IL1RAPL2: variants seen among roughly 807,000 people sequenced by gnomAD.
IL1RAPL2 encodes the protein interleukin 1 receptor accessory protein like 2.
A neutral mutation model predicts 44.1 loss-of-function variants in IL1RAPL2; 3 were observed. The ratio of observed to expected loss-of-function variants is 0.07; its 90% CI spans 0.03 to 0.18. The LOEUF (loss-of-function observed/expected upper bound fraction) is 0.18. IL1RAPL2 is among the 10% of genes least tolerant of loss of function. The pLI, the probability that IL1RAPL2 is intolerant of heterozygous loss-of-function variation, is 1.00. For missense variants in IL1RAPL2, 391 were observed against 496.4 expected (o/e 0.79, Z 2.02); for synonymous variants, 181 against 178.8 (o/e 1.01, Z -0.10).
At chrX:104,843,423 G>A (rs972453937) in intron 2 of IL1RAPL2, among the ~76,000 whole-genome samples, 3 of 110,935 alleles carry the variant, frequency 2.7e-5, no homozygotes, top group African/African-American at 9.9e-5. Context: ...TGGTTCTCCT[G>A]TCTCGCTGGA....
chrX:105,239,136 A>G (rs2034147247), intron 4 of IL1RAPL2, among the ~76,000 whole-genome samples: 1 of 111,676 alleles, frequency 9.0e-6, no homozygotes, highest in Non-Finnish European at 1.9e-5. Flanking sequence ...GAATCTCTAT[A>G]ATACCTGATG....
At chrX:105,633,794 C>A (rs1293384524) in intron 6 of IL1RAPL2, among the ~76,000 whole-genome samples, 2 of 111,400 alleles carry the variant, frequency 1.8e-5, no homozygotes, top group Non-Finnish European at 3.8e-5. Flanking sequence ...GATTTATTCC[C>A]TAAGTGTGAA....
intron 2 of IL1RAPL2, among the ~76,000 whole-genome samples, chrX:105,148,525 T>C (rs929295109): frequency 8.9e-6 from 1 of 111,908 alleles, no homozygotes; most frequent in Non-Finnish European, 1.9e-5. Context: ...TGCCAAGAAA[T>C]AGAAGTGCAA....
intron 5 of IL1RAPL2, among the ~76,000 whole-genome samples, chrX:105,338,391 T>C (rs1177742583): frequency 8.9e-6 from 1 of 112,006 alleles, no homozygotes; most frequent in Non-Finnish European, 1.9e-5. Context: ...GCAACAAACA[T>C]AGAGGCTGTT....
intron 6 of IL1RAPL2, among the ~76,000 whole-genome samples, chrX:105,513,738 T>C (rs1212241327): frequency 9.0e-6 from 1 of 111,568 alleles, no homozygotes; most frequent in Non-Finnish European, 1.9e-5. Context: ...ACTCTGATAC[T>C]AGTTTCTTTT....
At chrX:105,645,156 T>A (rs2037597007) in intron 6 of IL1RAPL2, among the ~76,000 whole-genome samples, 1 of 111,680 alleles carries the variant, frequency 9.0e-6, no homozygotes, top group African/African-American at 3.3e-5. Context: ...ATGCAGCAAG[T>A]CCTGTGTCAT....
intron 6 of IL1RAPL2, among the ~76,000 whole-genome samples, chrX:105,565,350 T>G (rs368205848): frequency 1.8e-5 from 2 of 111,410 alleles, no homozygotes; most frequent in East Asian, 5.7e-4. Flanking sequence ...TATAAATAAA[T>G]TTGATTTTAA....
At chrX:104,687,823 A>G (rs916343786) in intron 2 of IL1RAPL2, among the ~76,000 whole-genome samples, 2 of 111,550 alleles carry the variant, frequency 1.8e-5, no homozygotes, top group East Asian at 5.6e-4. Flanking sequence ...CCAAGCCACC[A>G]TCATCCCTCA....
chrX:104,624,258 T>G (rs2148009302), intron 1 of IL1RAPL2, among the ~76,000 whole-genome samples: 2 of 111,578 alleles, frequency 1.8e-5, no homozygotes, highest in East Asian at 5.6e-4. Context: ...ATTTTCGACT[T>G]TCAGAACACT....
At chrX:104,972,741 A>G (rs1331467335) in intron 2 of IL1RAPL2, among the ~76,000 whole-genome samples, 1 of 112,165 alleles carries the variant, frequency 8.9e-6, no homozygotes, top group Admixed American at 9.4e-5. Flanking sequence ...CAACAAGAAC[A>G]AAAGAGATGT....
chrX:105,083,807 T>C (rs1296408859), intron 2 of IL1RAPL2, among the ~76,000 whole-genome samples: 1 of 112,155 alleles, frequency 8.9e-6, no homozygotes, highest in East Asian at 2.8e-4. Context: ...GAAGAGCTCC[T>C]GAAGGAAGCA....
At chrX:105,255,951 A>G (rs1363202503) in intron 4 of IL1RAPL2, among the ~76,000 whole-genome samples, 1 of 112,374 alleles carries the variant, frequency 8.9e-6, no homozygotes, top group African/African-American at 3.2e-5. Flanking sequence ...GTGATGAATC[A>G]CATTTATTGA....
In IL1RAPL2 at chrX:104,977,537, C is replaced by G. The variant is rs546571861; in HGVS notation, c.83-217938C>G. On this transcript the variant is annotated intron_variant, in intron 2 of 10. Coordinates refer to ENST00000372582, the MANE Select transcript of IL1RAPL2 (RefSeq NM_017416.2). ...TCGCCACTGTCTCACCATCTTACCT[C>G]TCCACCAATTTCCATCTCTGCTCTC... Among the ~76,000 whole-genome samples, 25 of 112,051 alleles carry G rather than the reference C, an allele frequency of 2.2e-4. No homozygotes were observed. The South Asian group carries it at 9.0e-3, about 40-fold the overall frequency.
chrX:104,956,586 C>T (rs1462026192), intron 2 of IL1RAPL2, among the ~76,000 whole-genome samples: 1 of 108,542 alleles, frequency 9.2e-6, no homozygotes, highest in Non-Finnish European at 1.9e-5. Context: ...TGCAGTGAAC[C>T]GAGATGCTCC....
intron 2 of IL1RAPL2, among the ~76,000 whole-genome samples, chrX:104,983,244 A>C (rs920703823): frequency 1.9e-5 from 2 of 108,027 alleles, no homozygotes; most frequent in African/African-American, 6.7e-5. Flanking sequence ...CCACTGTTGA[A>C]TGAGTGGTCA....
intron 3 of IL1RAPL2, among the ~76,000 whole-genome samples, chrX:105,226,228 A>G (rs1556188632): frequency 1.8e-5 from 2 of 110,149 alleles, no homozygotes; most frequent in African/African-American, 6.6e-5. Context: ...CAACACAAAT[A>G]CTGATACTTT....
At chrX:105,169,620 C>G in intron 2 of IL1RAPL2, among the ~76,000 whole-genome samples, 1 of 103,931 alleles carries the variant, frequency 9.6e-6, no homozygotes, top group Non-Finnish European at 1.9e-5. Context: ...CCTCCACTTC[C>G]CAGGTTCAAG....
chrX:105,630,467 G>T (rs2037483789), intron 6 of IL1RAPL2, among the ~76,000 whole-genome samples: 2 of 106,829 alleles, frequency 1.9e-5, no homozygotes, highest in Middle Eastern at 4.8e-3. Context: ...GTGCTAAGAT[G>T]CAAATTGAGT....
At chrX:105,447,100 T>A (rs1417878467) in intron 5 of IL1RAPL2, among the ~76,000 whole-genome samples, 1 of 58,264 alleles carries the variant, frequency 1.7e-5, no homozygotes, top group African/African-American at 1.1e-4. Flanking sequence ...TATATATATA[T>A]ATATATAAAA....
Sources: allele counts gnomAD v4.1 joint callset (sites outside exome capture counted in the v4.1 genomes callset), GRCh38; gene constraint gnomAD v4.1.1; transcripts MANE v1.5; gene names NCBI Gene and HGNC (gene_info 2026-07-23, HGNC 2026-07-21).